KCNIP4: variants seen among roughly 807,000 people sequenced by gnomAD.
KCNIP4 encodes the protein potassium voltage-gated channel interacting protein 4.
KCNIP4 carries 12 observed loss-of-function variants against 34.0 expected under a neutral mutation model. The observed-to-expected ratio is 0.35, with a 90% CI of 0.23 to 0.57. The LOEUF is 0.57. Among genes scored for constraint, KCNIP4 ranks in the 20% least tolerant of loss-of-function variants. The pLI, the probability that KCNIP4 is intolerant of heterozygous loss-of-function variation, is 0.83. For missense variants in KCNIP4, 238 were observed against 311.7 expected (o/e 0.76, Z 1.78); for synonymous variants, 124 against 102.2 (o/e 1.21, Z -1.29).
At chr4:21,467,677 T>A (rs1047261219) in intron 1 of KCNIP4, among the ~76,000 whole-genome samples, 8 of 152,294 alleles carry the variant, frequency 5.3e-5, no homozygotes, top group Admixed American at 5.2e-4. Context: ...ATTTTAATGA[T>A]CCCAGAGTCC....
chr4:21,686,104 A>T (rs1162230433), intron 1 of KCNIP4, among the ~76,000 whole-genome samples: 1 of 152,190 alleles, frequency 6.6e-6, no homozygotes, highest in Non-Finnish European at 1.5e-5. Flanking sequence ...AACAGGCTCT[A>T]TGTATCTTAA....
Position 20,820,778 on chromosome 4 carries a change from C to T in KCNIP4, c.288+29765G>A, listed in dbSNP as rs149364555. ...GGTCCCTGTGGGACTTTGAGGCTTA[C>T]TACCCAGGGCCAACTCAATTTCTGC... is the stretch of plus-strand genomic sequence containing the variant. On this transcript the variant is annotated intron_variant, in intron 3 of 8. Transcript: ENST00000382152. 5.9e-5 allele frequency among the ~76,000 whole-genome samples: 9 copies of T among 152,326 alleles called. No individual in the cohort carries two copies. The East Asian group carries it at 1.4e-3, about 23-fold the overall frequency.
chr4:21,036,003 A>G (rs536031473), intron 1 of KCNIP4, among the ~76,000 whole-genome samples: 1 of 152,274 alleles, frequency 6.6e-6, no homozygotes, highest in African/African-American at 2.4e-5. Context: ...GGCACAAGAC[A>G]TTTCCTTTCT....
intron 1 of KCNIP4, among the ~76,000 whole-genome samples, chr4:21,075,833 G>A (rs1388714059): frequency 6.6e-6 from 1 of 152,124 alleles, no homozygotes; most frequent in African/African-American, 2.4e-5. Flanking sequence ...GGGCAGGCCT[G>A]GTGGTGACAA....
chr4:21,674,995 C>T (rs1344639031), intron 1 of KCNIP4, among the ~76,000 whole-genome samples: 1 of 152,096 alleles, frequency 6.6e-6, no homozygotes, highest in African/African-American at 2.4e-5. Context: ...GTCTGCACTC[C>T]TATGCTTATT....
At chr4:21,825,286 A>C (rs939939728) in intron 1 of KCNIP4, among the ~76,000 whole-genome samples, 24 of 152,076 alleles carry the variant, frequency 1.6e-4, no homozygotes, top group Middle Eastern at 3.2e-3. Flanking sequence ...GAAAAAAAAA[A>C]CCTGCAACTG....
At chr4:21,333,279 C>T (rs763171366) in intron 1 of KCNIP4, among the ~76,000 whole-genome samples, 1 of 151,820 alleles carries the variant, frequency 6.6e-6, no homozygotes, top group Non-Finnish European at 1.5e-5. Context: ...AAGTACTCTG[C>T]CTCCCTTGTA....
intron 1 of KCNIP4, among the ~76,000 whole-genome samples, chr4:21,329,014 T>A (rs1338101403): frequency 6.6e-6 from 1 of 152,234 alleles, no homozygotes; most frequent in Non-Finnish European, 1.5e-5. Context: ...AAAACTGCAT[T>A]TCTTGAGAGC....
intron 1 of KCNIP4, among the ~76,000 whole-genome samples, chr4:21,261,805 TC>T (rs1761490631): frequency 6.6e-6 from 1 of 152,058 alleles, no homozygotes; most frequent in African/African-American, 2.4e-5. Context: ...CTGTCACTTC[TC>T]CCCAGACTAT....
At chr4:20,809,131 C>A (rs79067697) in intron 3 of KCNIP4, among the ~76,000 whole-genome samples, 3 of 152,272 alleles carry the variant, frequency 2.0e-5, no homozygotes, top group African/African-American at 7.2e-5. Flanking sequence ...TCAGAGGTGA[C>A]AAACTCATGC....
chr4:21,083,771 G>T (rs1024981624), intron 1 of KCNIP4, among the ~76,000 whole-genome samples: 2 of 151,900 alleles, frequency 1.3e-5, no homozygotes, highest in Non-Finnish European at 2.9e-5. Context: ...AAGCCAACAA[G>T]TTTGTGGTAG....
At chr4:21,325,494 G>A (rs547067190) in intron 1 of KCNIP4, among the ~76,000 whole-genome samples, 1 of 151,008 alleles carries the variant, frequency 6.6e-6, no homozygotes, top group South Asian at 2.1e-4. Flanking sequence ...TCTCTTTTTT[G>A]CTTCATTAGT....
At chr4:21,637,960 T>C (rs1291498567) in intron 1 of KCNIP4, among the ~76,000 whole-genome samples, 1 of 152,116 alleles carries the variant, frequency 6.6e-6, no homozygotes, top group African/African-American at 2.4e-5. Flanking sequence ...ATGTCCATGC[T>C]CTTTCCTCTA....
intron 1 of KCNIP4, among the ~76,000 whole-genome samples, chr4:21,812,922 A>G (rs4340785): frequency 0.98 from 148,816 of 152,176 alleles, 72,855 homozygotes; most frequent in East Asian, 1. Flanking sequence ...CAGGATCCAC[A>G]CTTTCACATA....
At chr4:21,443,325 G>A (rs1043036041) in intron 1 of KCNIP4, among the ~76,000 whole-genome samples, 2 of 152,168 alleles carry the variant, frequency 1.3e-5, no homozygotes, top group African/African-American at 4.8e-5. Flanking sequence ...CTGTGTGAAT[G>A]TACTTCTCCC....
At chr4:21,469,212 G>C (rs375150469) in intron 1 of KCNIP4, among the ~76,000 whole-genome samples, 2 of 151,956 alleles carry the variant, frequency 1.3e-5, no homozygotes, top group Non-Finnish European at 2.9e-5. Flanking sequence ...CTACAAGCAC[G>C]TGCCACCATG....
intron 1 of KCNIP4, among the ~76,000 whole-genome samples, chr4:21,395,859 C>T (rs1470280985): frequency 6.6e-6 from 1 of 151,996 alleles, no homozygotes; most frequent in Non-Finnish European, 1.5e-5. Flanking sequence ...AGTTCTGAAT[C>T]ACTTATTTGG....
At chr4:20,926,080 T>C (rs1422856719) in intron 1 of KCNIP4, among the ~76,000 whole-genome samples, 1 of 152,214 alleles carries the variant, frequency 6.6e-6, no homozygotes, top group Non-Finnish European at 1.5e-5. Flanking sequence ...TATACAAACA[T>C]ATTTTTTATA....
intron 1 of KCNIP4, among the ~76,000 whole-genome samples, chr4:21,123,707 G>T (rs1750363105): frequency 1.3e-5 from 2 of 152,130 alleles, no homozygotes; most frequent in Admixed American, 1.3e-4. Context: ...GATGATACTT[G>T]GAGGTTATTG....
Sources: allele counts gnomAD v4.1 joint callset (sites outside exome capture counted in the v4.1 genomes callset), GRCh38; gene constraint gnomAD v4.1.1; transcripts MANE v1.5; gene names NCBI Gene and HGNC (gene_info 2026-07-23, HGNC 2026-07-21).